The following STPG2 variants were observed in gnomAD, a reference collection of about 807,000 sequenced individuals.
The protein encoded by STPG2 is sperm-tail PG-rich repeat-containing protein 2.
STPG2 carries 56 observed loss-of-function variants against 54.2 expected under a neutral mutation model. That is an observed-to-expected ratio of 1.03 (90% CI 0.83 to 1.29). STPG2 has a LOEUF of 1.29. Among genes scored for constraint, STPG2 ranks in the 50% most tolerant of loss-of-function variants. The pLI, the probability that STPG2 is intolerant of heterozygous loss-of-function variation, is 0.00. For synonymous variants in STPG2, 200 were observed against 181.8 expected (o/e 1.10, Z -0.81); for missense variants, 596 against 544.9 (o/e 1.09, Z -0.93).
chr4:97,933,229 ATTTG>A lies in STPG2; in HGVS notation c.1044+10664_1044+10667del, dbSNP rs533780023. Among the ~76,000 whole-genome samples the A allele has an allele frequency of 4.2e-3, 639 of 151,878 alleles. 3 individuals carry two copies. Among genetic ancestry groups the A allele is most frequent in the South Asian group, 0.024 (117 of 4,800 alleles). On this transcript the variant is annotated intron_variant, in intron 8 of 10. Transcript: ENST00000295268. The stretch of plus-strand genomic sequence containing the variant: ...TTGATGGGGTTGTTTTTTCTTGTAA[ATTTG>A]TTTAAGTTCCTTGTAAATTCTGGAT...
intron 10 of STPG2, among the ~76,000 whole-genome samples, chr4:97,652,468 A>G (rs1037506011): frequency 1.3e-5 from 2 of 151,894 alleles, no homozygotes; most frequent in African/African-American, 4.8e-5. Flanking sequence ...TTCTTACAAA[A>G]AAAAGTACTA....
intron 8 of STPG2, among the ~76,000 whole-genome samples, chr4:97,892,376 C>T (rs1303584343): frequency 1.3e-5 from 2 of 152,140 alleles, no homozygotes; most frequent in Admixed American, 6.5e-5. Flanking sequence ...AATTCTTTTG[C>T]AAGATAAGCA....
At chr4:98,011,142 GT>G (rs1000762773) in intron 5 of STPG2, among the ~76,000 whole-genome samples, 2 of 152,016 alleles carry the variant, frequency 1.3e-5, no homozygotes, top group Non-Finnish European at 2.9e-5. Flanking sequence ...CCCAGTGTGT[GT>G]TTTTCCCCTC....
chr4:97,678,182 T>C (rs1004156993), intron 10 of STPG2, among the ~76,000 whole-genome samples: 1 of 152,140 alleles, frequency 6.6e-6, no homozygotes, highest in Non-Finnish European at 1.5e-5. Flanking sequence ...TAACACATGA[T>C]TTAGAATTTA....
intron 9 of STPG2, among the ~76,000 whole-genome samples, chr4:97,737,240 A>G (rs2149032226): frequency 6.6e-6 from 1 of 152,312 alleles, no homozygotes; most frequent in South Asian, 2.1e-4. Context: ...CCAAAGGTAG[A>G]TAAAACCACA....
rs576819576 is a variant in STPG2 at position 98,129,032 on chromosome 4, C to T, written c.223-440G>A. 5.3e-5 allele frequency among the ~76,000 whole-genome samples: 8 copies of T among 152,130 alleles called. No homozygotes were observed. The South Asian group carries it at 1.7e-3, about 32-fold the overall frequency. ...TACAGGCATGAGCCACTGTGCCTGG[C>T]CAAAAATGTTTTGTAAAAGTAATTT... On this transcript the variant is annotated intron_variant, in intron 2 of 10. Coordinates refer to ENST00000295268, the MANE Select transcript of STPG2 (RefSeq NM_174952.3).
rs373540579 is a variant in STPG2, at chr4:97,517,631, TTTTA to T, written c.462+195064_462+195067del. 3.6e-3 allele frequency among the ~76,000 whole-genome samples: 544 copies of T among 152,240 alleles called. 4 individuals carry two copies. Among genetic ancestry groups the T allele is most frequent in the African/African-American group, 0.012 (501 of 41,568 alleles). ...TTTTTCAGTTTTTAAAACCAACAAA[TTTTA>T]TTTATTACATTATTTATCATAAATT... On this transcript the variant is annotated intron_variant, in intron 4 of 4. Coordinates refer to the STPG2 transcript ENST00000522676.
chr4:97,888,178 G>C (rs1213463075), intron 8 of STPG2, among the ~76,000 whole-genome samples: 1 of 152,178 alleles, frequency 6.6e-6, no homozygotes, highest in South Asian at 2.1e-4. Context: ...AGTGGGGTTG[G>C]AGACCCCAAA....
At chr4:98,038,634 G>C (rs1306065404) in intron 5 of STPG2, among the ~76,000 whole-genome samples, 1 of 151,342 alleles carries the variant, frequency 6.6e-6, no homozygotes, top group Non-Finnish European at 1.5e-5. Context: ...ATTTCAACAA[G>C]GTAGGAAAAA....
intron 10 of STPG2, among the ~76,000 whole-genome samples, chr4:97,635,217 A>T (rs1721466325): frequency 6.6e-6 from 1 of 152,222 alleles, no homozygotes; most frequent in African/African-American, 2.4e-5. Flanking sequence ...TTTTCAACCC[A>T]GAATTTCATA....
At chr4:97,504,146 TAATA>T (rs906132007) in intron 4 of STPG2, among the ~76,000 whole-genome samples, 271 of 146,000 alleles carry the variant, frequency 1.9e-3, no homozygotes, top group South Asian at 5.7e-3. Flanking sequence ...ATTTAATATT[TAATA>T]AATAAATAAA....
chr4:97,781,831 C>A (rs927848629), intron 9 of STPG2, among the ~76,000 whole-genome samples: 4 of 152,036 alleles, frequency 2.6e-5, no homozygotes, highest in African/African-American at 9.7e-5. Flanking sequence ...AAGAAAAAAA[C>A]CACAGGATTA....
At chr4:97,759,626 T>C (rs1725830539) in intron 9 of STPG2, among the ~76,000 whole-genome samples, 1 of 152,114 alleles carries the variant, frequency 6.6e-6, no homozygotes, top group Non-Finnish European at 1.5e-5. Flanking sequence ...TTGGAGGATT[T>C]AGCAATTCCC....
chr4:98,094,267 G>A (rs1738780261), intron 5 of STPG2, among the ~76,000 whole-genome samples: 1 of 152,068 alleles, frequency 6.6e-6, no homozygotes, highest in African/African-American at 2.4e-5. Context: ...GACACACCCT[G>A]GGCCAAAAGG....
intron 9 of STPG2, among the ~76,000 whole-genome samples, chr4:97,758,986 A>T (rs1022558406): frequency 1.3e-5 from 2 of 152,160 alleles, no homozygotes; most frequent in Non-Finnish European, 2.9e-5. Context: ...AAAAAAATGA[A>T]CGTATAATAT....
chr4:97,862,000 A>G lies in STPG2; in HGVS notation c.1045-21068T>C, dbSNP rs1458905130. 3.3e-5 allele frequency among the ~76,000 whole-genome samples: 5 copies of G among 152,250 alleles called. No homozygotes were observed. In the East Asian group the frequency reaches 5.8e-4, roughly 18 times the overall value. On this transcript the variant is annotated intron_variant, in intron 8 of 10. Coordinates refer to ENST00000295268, the MANE Select transcript of STPG2 (RefSeq NM_174952.3). ...ATTGTAAAGACCATCGAGGCTAGGA[A>G]GAAACTGCATCAACTAACGAGCAAA...
intron 10 of STPG2, among the ~76,000 whole-genome samples, chr4:97,584,884 CA>C (rs369953348): frequency 1.3e-5 from 2 of 151,128 alleles, no homozygotes; most frequent in African/African-American, 4.9e-5. Context: ...AAATTGCCAA[CA>C]AAAAAAGTCC....
At chr4:97,705,646 G>A (rs1462398988) in intron 10 of STPG2, among the ~76,000 whole-genome samples, 1 of 151,524 alleles carries the variant, frequency 6.6e-6, no homozygotes, top group Non-Finnish European at 1.5e-5. Flanking sequence ...TAAAGTGCTG[G>A]GATTACAGGT....
chr4:98,040,395 G>T (rs1736912705), intron 5 of STPG2, among the ~76,000 whole-genome samples: 1 of 151,608 alleles, frequency 6.6e-6, no homozygotes, highest in Admixed American at 6.6e-5. Context: ...TCTTTGCCTG[G>T]GCCAATGTCC....
Sources: gnomAD v4.1 joint callset for allele counts (sites outside exome capture counted in the v4.1 genomes callset) on GRCh38, gnomAD v4.1.1 for gene constraint, MANE v1.5 for transcripts, NCBI Gene and HGNC (gene_info 2026-07-23, HGNC 2026-07-21) for gene names.